The following ARHGAP15 variants were observed in gnomAD, a reference collection of about 807,000 sequenced individuals.
The protein encoded by ARHGAP15 is Rho GTPase activating protein 15.
Under a neutral mutation model 63.7 loss-of-function variants are expected in ARHGAP15, and 51 were observed. The observed-to-expected ratio is 0.80, with a 90% confidence interval of 0.64 to 1.01. The LOEUF (loss-of-function observed/expected upper bound fraction) is 1.01. Among genes scored for constraint, ARHGAP15 ranks in the 50% least tolerant of loss-of-function variants. The pLI is 0.00. For missense variants in ARHGAP15, 560 were observed against 564.6 expected, an observed-to-expected ratio of 0.99 and a Z score of 0.08; for synonymous variants, 191 against 193.8, an observed-to-expected ratio of 0.99 and a Z score of 0.12.
intron 6 of ARHGAP15, among the ~76,000 whole-genome samples, chr2:143,348,874 C>T (rs1172298598): frequency 6.6e-6 from 1 of 152,096 alleles, no homozygotes; most frequent in Non-Finnish European, 1.5e-5. Flanking sequence ...CTCCAATCTT[C>T]CAAATAAGGA....
At chr2:143,664,370 G>A (rs1489426187) in intron 12 of ARHGAP15, among the ~76,000 whole-genome samples, 4 of 151,540 alleles carry the variant, frequency 2.6e-5, no homozygotes, top group African/African-American at 9.7e-5. Flanking sequence ...TGAAACCAAC[G>A]AGAACAAAGA....
At chr2:143,600,274 C>T (rs532396454) in intron 11 of ARHGAP15, among the ~76,000 whole-genome samples, 6 of 152,182 alleles carry the variant, frequency 3.9e-5, no homozygotes, top group Admixed American at 2.6e-4. Flanking sequence ...ATTTTGATTC[C>T]GTGCCCAGGA....
chr2:143,719,107 G>A (rs1173969232), intron 13 of ARHGAP15, among the ~76,000 whole-genome samples: 1 of 152,128 alleles, frequency 6.6e-6, no homozygotes, highest in Admixed American at 6.5e-5. Context: ...CGCTGTAAGG[G>A]GTGGGCAAGA....
intron 9 of ARHGAP15, among the ~76,000 whole-genome samples, chr2:143,510,515 T>C (rs2104958136): frequency 6.6e-6 from 1 of 151,560 alleles, no homozygotes; most frequent in East Asian, 2.0e-4. Context: ...CTTCTTCCAA[T>C]TTCATGGCTC....
At chr2:143,539,576 T>G (rs1311169789) in intron 10 of ARHGAP15, among the ~76,000 whole-genome samples, 5 of 152,340 alleles carry the variant, frequency 3.3e-5, no homozygotes, top group South Asian at 2.1e-4. Context: ...TCTGGTATGT[T>G]GTGTCTTTGT....
intron 10 of ARHGAP15, among the ~76,000 whole-genome samples, chr2:143,537,218 C>T (rs530039401): frequency 3.3e-5 from 5 of 151,640 alleles, no homozygotes; most frequent in African/African-American, 9.7e-5. Flanking sequence ...CACTTTTTGA[C>T]GAGGTTGTTT....
At chr2:143,539,846 T>A (rs921409383) in intron 10 of ARHGAP15, among the ~76,000 whole-genome samples, 36 of 152,202 alleles carry the variant, frequency 2.4e-4, no homozygotes, top group Admixed American at 7.2e-4. Context: ...CTGAAAAGAA[T>A]GTATATTCTG....
At chr2:143,686,134 C>T (rs571259857) in intron 12 of ARHGAP15, among the ~76,000 whole-genome samples, 32 of 152,094 alleles carry the variant, frequency 2.1e-4, no homozygotes, top group African/African-American at 6.5e-4. Context: ...GAGGGCCTGG[C>T]GCGGTAGCTC....
intron 10 of ARHGAP15, among the ~76,000 whole-genome samples, chr2:143,554,538 C>T (rs540918994): frequency 1.3e-5 from 2 of 152,198 alleles, no homozygotes; most frequent in African/African-American, 2.4e-5. Flanking sequence ...GAGAAGGACA[C>T]ACTTGAATGT....
intron 12 of ARHGAP15, among the ~76,000 whole-genome samples, chr2:143,644,277 A>G (rs1300260520): frequency 6.6e-6 from 1 of 152,090 alleles, no homozygotes; most frequent in Non-Finnish European, 1.5e-5. Flanking sequence ...CCTGTTTGCT[A>G]GATTCTTTTC....
At chr2:143,592,318 G>T (rs1257738835) in intron 11 of ARHGAP15, among the ~76,000 whole-genome samples, 1 of 152,038 alleles carries the variant, frequency 6.6e-6, no homozygotes, top group African/African-American at 2.4e-5. Context: ...TAATGTATCT[G>T]GTTTTATTTA....
chr2:143,754,554 T>G (rs1361569597), intron 13 of ARHGAP15, among the ~76,000 whole-genome samples: 1 of 152,190 alleles, frequency 6.6e-6, no homozygotes. Context: ...ATATACTAGG[T>G]GTAGGCAGCT....
At chr2:143,228,468 A>T in intron 4 of ARHGAP15, 113 bp from the exon 5 acceptor site, 1 of 543,962 alleles carries the variant, frequency 1.8e-6, no homozygotes, top group Non-Finnish European at 3.1e-6. Flanking sequence ...TTTTAGCAAG[A>T]CTGTTAAAAA....
At chr2:143,483,949 C>T (rs754720367) in intron 8 of ARHGAP15, among the ~76,000 whole-genome samples, 8 of 152,118 alleles carry the variant, frequency 5.3e-5, no homozygotes, top group Non-Finnish European at 8.8e-5. Context: ...GCCAGACAGG[C>T]GGCCATGGTG....
chr2:143,690,493 A>G (rs559647894), intron 12 of ARHGAP15, among the ~76,000 whole-genome samples: 1 of 152,300 alleles, frequency 6.6e-6, no homozygotes, highest in South Asian at 2.1e-4. Context: ...TGGAAATGAT[A>G]ACGGGCCCCA....
intron 12 of ARHGAP15, among the ~76,000 whole-genome samples, chr2:143,650,502 T>C (rs191945627): frequency 1.3e-5 from 2 of 152,064 alleles, no homozygotes; most frequent in East Asian, 3.9e-4. Flanking sequence ...CTTCCTCGGA[T>C]GTTTGCAGTT....
intron 1 of ARHGAP15, among the ~76,000 whole-genome samples, chr2:143,134,167 CATCT>C (rs762356105): frequency 0.016 from 2,037 of 130,560 alleles, 50 homozygotes; most frequent in African/African-American, 0.054. Context: ...ATCTATCTAT[CATCT>C]ATCTATCTAT....
At chr2:143,379,479 G>GCA in intron 6 of ARHGAP15, among the ~76,000 whole-genome samples, 1 of 83,606 alleles carries the variant, frequency 1.2e-5, no homozygotes, top group African/African-American at 5.4e-5. Context: ...TGGTTTTTAG[G>GCA]CATATATATG....
At chr2:143,506,244 T>G (rs1469858318) in intron 9 of ARHGAP15, among the ~76,000 whole-genome samples, 1 of 152,192 alleles carries the variant, frequency 6.6e-6, no homozygotes, top group South Asian at 2.1e-4. Context: ...AATCACTGAA[T>G]GACACTTCCA....
Sources: gnomAD v4.1 joint callset for allele counts (sites outside exome capture counted in the v4.1 genomes callset) on GRCh38, gnomAD v4.1.1 for gene constraint, MANE v1.5 for transcripts, NCBI Gene and HGNC (gene_info 2026-07-23, HGNC 2026-07-21) for gene names.